TSGA10: variants seen among roughly 807,000 people sequenced by gnomAD.
TSGA10 encodes the protein testis-specific gene 10 protein.
In TSGA10, 43 loss-of-function variants were observed where a neutral mutation model predicts 96.6. That is an observed-to-expected ratio of 0.44 (90% confidence interval 0.35 to 0.57). The LOEUF is 0.57. Ranked by LOEUF, TSGA10 falls within the 20% of genes least tolerant of loss-of-function variation. The pLI is 0.01. For synonymous variants in TSGA10, 229 were observed against 269.9 expected, an observed-to-expected ratio of 0.85 and a Z score of 1.48; for missense variants, 703 against 834.4, an observed-to-expected ratio of 0.84 and a Z score of 1.94.
chr2:99,139,260 CAAAA>C (rs199756866), intron 1 of TSGA10, among the ~76,000 whole-genome samples: 2 of 143,726 alleles, frequency 1.4e-5, no homozygotes, highest in African/African-American at 5.1e-5. Flanking sequence ...GATCATGTCT[CAAAA>C]AAAAAAGGTA....
intron 1 of TSGA10, among the ~76,000 whole-genome samples, chr2:99,140,375 A>G (rs948406664): frequency 1.3e-5 from 2 of 152,124 alleles, no homozygotes; most frequent in African/African-American, 4.8e-5. Context: ...GCTGAACACC[A>G]GTACAGAAAA....
intron 1 of TSGA10, among the ~76,000 whole-genome samples, chr2:99,145,561 A>AAG (rs1273022990): frequency 1.1e-5 from 1 of 93,960 alleles, no homozygotes; most frequent in African/African-American, 3.4e-5. Context: ...CTGTCCCAAA[A>AAG]AGAAAAAAAA....
At chr2:99,015,157 T>A (rs1291454921) in intron 20 of TSGA10, among the ~76,000 whole-genome samples, 1 of 152,180 alleles carries the variant, frequency 6.6e-6, no homozygotes, top group Non-Finnish European at 1.5e-5. Context: ...AGTATCACCC[T>A]AATTCCAAAG....
intron 1 of TSGA10, chr2:99,141,094 G>A: frequency 1.6e-6 from 2 of 1,283,464 alleles, no homozygotes; most frequent in Non-Finnish European, 2.0e-6. Flanking sequence ...TGGAGCTCCG[G>A]GTCCCTCCCC....
At chr2:99,151,573 A>C (rs1439757843) in intron 1 of TSGA10, 3 of 149,260 alleles carry the variant, frequency 2.0e-5, no homozygotes, top group African/African-American at 7.4e-5. Flanking sequence ...ATTCTGCTTT[A>C]TGATACTTTA....
chr2:99,015,316 G>C (rs2079411447), intron 20 of TSGA10, among the ~76,000 whole-genome samples: 1 of 152,092 alleles, frequency 6.6e-6, no homozygotes, highest in African/African-American at 2.4e-5. Context: ...TGCATACCAG[G>C]TATGCAGCAA....
intron 1 of TSGA10, chr2:99,142,291 T>A (rs891212687): frequency 6.6e-6 from 1 of 152,220 alleles, no homozygotes; most frequent in African/African-American, 2.4e-5. Flanking sequence ...GCAGATGACA[T>A]AGACACTAGG....
intron 4 of TSGA10, among the ~76,000 whole-genome samples, chr2:99,116,187 A>G (rs1163430463): frequency 1.3e-5 from 2 of 152,234 alleles, no homozygotes; most frequent in African/African-American, 4.8e-5. Flanking sequence ...TAAAATCAAG[A>G]CAAATAAGCA....
intron 16 of TSGA10, among the ~76,000 whole-genome samples, chr2:99,043,066 C>G (rs1294077133): frequency 6.6e-6 from 1 of 151,838 alleles, no homozygotes; most frequent in African/African-American, 2.4e-5. Context: ...AATTAACAAG[C>G]AAAACTTCAA....
intron 12 of TSGA10, 55 bp downstream of exon 12, chr2:99,078,604 A>C: frequency 1.3e-6 from 2 of 1,500,746 alleles, no homozygotes; most frequent in African/African-American, 2.8e-5. Context: ...ACCATAGTTT[A>C]ACATTTAACA....
intron 20 of TSGA10, among the ~76,000 whole-genome samples, chr2:99,004,255 T>C (rs546094104): frequency 0.013 from 2,040 of 152,020 alleles, 35 homozygotes; most frequent in African/African-American, 0.047. Context: ...CAGGAAGAAG[T>C]TGAATCTCTG....
chr2:99,102,585 G>T (rs1339669208), intron 10 of TSGA10: 1 of 1,613,972 alleles, frequency 6.2e-7, no homozygotes, highest in African/African-American at 1.3e-5. Flanking sequence ...TATGATTATG[G>T]AACTTGCTGT....
At chr2:99,028,589 C>G (rs186121781) in intron 17 of TSGA10, among the ~76,000 whole-genome samples, 1,628 of 152,048 alleles carry the variant, frequency 0.011, 9 homozygotes, top group Middle Eastern at 0.027. Flanking sequence ...AAATTTGCAC[C>G]CCTTGTCCAA....
At chr2:99,115,260 C>T (rs1316917508) in intron 4 of TSGA10, among the ~76,000 whole-genome samples, 1 of 151,820 alleles carries the variant, frequency 6.6e-6, no homozygotes, top group African/African-American at 2.4e-5. Context: ...ATAATTAAGA[C>T]AGATGGAAAT....
chr2:99,082,801 C>T (rs1291363043), intron 10 of TSGA10, among the ~76,000 whole-genome samples: 1 of 151,904 alleles, frequency 6.6e-6, no homozygotes, highest in Non-Finnish European at 1.5e-5. Context: ...CAAATAGAAA[C>T]TTAGAAATAC....
At chr2:99,087,213 AAAT>A (rs1304701334) in intron 10 of TSGA10, among the ~76,000 whole-genome samples, 1 of 151,570 alleles carries the variant, frequency 6.6e-6, no homozygotes, top group Non-Finnish European at 1.5e-5. Flanking sequence ...CAAAAAAAAA[AAAT>A]TTTTTTTAGG....
chr2:99,108,628 G>A (rs960794363), intron 7 of TSGA10, among the ~76,000 whole-genome samples: 1 of 151,790 alleles, frequency 6.6e-6, no homozygotes, highest in Non-Finnish European at 1.5e-5. Flanking sequence ...TTTGGCTATG[G>A]GGATAACATA....
intron 16 of TSGA10, among the ~76,000 whole-genome samples, chr2:99,039,901 A>G (rs189731228): frequency 1.3e-5 from 2 of 152,342 alleles, no homozygotes; most frequent in East Asian, 3.9e-4. Context: ...ATCCAACAGC[A>G]TAACAAAAAG....
chr2:99,085,609 T>A (rs1175961850), intron 10 of TSGA10, among the ~76,000 whole-genome samples: 2 of 52,470 alleles, frequency 3.8e-5, no homozygotes, highest in Non-Finnish European at 3.2e-5. Flanking sequence ...ATCCTGTCTT[T>A]AAAAAAAAAA....
Sources: allele counts gnomAD v4.1 joint callset (sites outside exome capture counted in the v4.1 genomes callset), GRCh38; gene constraint gnomAD v4.1.1; transcripts MANE v1.5; gene names NCBI Gene and HGNC (gene_info 2026-07-23, HGNC 2026-07-21).